DOCK7: variants seen among roughly 807,000 people sequenced by gnomAD.
The protein encoded by DOCK7 is dedicator of cytokinesis 7.
In DOCK7, 138 loss-of-function variants were observed where a neutral mutation model predicts 271.0. That is an observed-to-expected ratio of 0.51 (90% CI 0.44 to 0.59). The LOEUF (loss-of-function observed/expected upper bound fraction) is 0.59, where lower values mean the gene tolerates loss of function less well. Among genes scored for constraint, DOCK7 ranks in the 20% least tolerant of loss-of-function variants. DOCK7 has a pLI of 0.00. For missense variants in DOCK7, 2,066 were observed against 2,592.4 expected (o/e 0.80, Z 4.41); for synonymous variants, 823 against 876.1 (o/e 0.94, Z 1.07).
intron 1 of DOCK7, among the ~76,000 whole-genome samples, chr1:62,679,822 A>G (rs1255457819): frequency 6.6e-6 from 1 of 152,208 alleles, no homozygotes; most frequent in East Asian, 1.9e-4. Context: ...TAGGAATCCA[A>G]CTTACAAGGG....
In DOCK7 at chr1:62,513,886, G is replaced by A. The variant is rs547491518; in HGVS notation, c.3949C>T (p.His1317Tyr). The change falls in exon 32 of 50, where the codon CAC becomes TAC. Residue 1317 changes from histidine to tyrosine, a missense_variant. Around this residue, in one of 2 missense-constraint regions of DOCK7, gnomAD observed 1,414 missense variants for 1,670.4 expected, o/e 0.85. Transcript: ENST00000635253. ...CTTGATTCTGCTGAAAAGGTAGTGT[G>A]TTGCCTGCCACTCTGAAAATAAAGA... ...FLLTSTSGRQ[H>Y]TTFSAESSRS... The A allele has an allele frequency of 1.9e-6, 3 of 1,612,368 alleles. No individual in the cohort carries two copies. Among genetic ancestry groups the A allele is most frequent in the Admixed American group, 3.4e-5 (2 of 59,664 alleles).
At chr1:62,519,938 A>C (rs1039555347) in intron 31 of DOCK7, among the ~76,000 whole-genome samples, 6 of 152,220 alleles carry the variant, frequency 3.9e-5, no homozygotes, top group African/African-American at 1.4e-4. Flanking sequence ...GAGGCCTCAG[A>C]AATAACACCA....
chr1:62,664,008 TAAAAAG>T (rs965854059), intron 1 of DOCK7, among the ~76,000 whole-genome samples: 3 of 152,068 alleles, frequency 2.0e-5, no homozygotes, highest in Non-Finnish European at 4.4e-5. Flanking sequence ...TATTCAATGA[TAAAAAG>T]AAATGAGTTA....
intron 29 of DOCK7, chr1:62,530,956 C>T (rs1198644729): frequency 6.6e-6 from 1 of 152,278 alleles, no homozygotes; most frequent in Non-Finnish European, 1.5e-5. Flanking sequence ...TAATGTTTCC[C>T]TTTTACTGAC....
At chr1:62,659,411 C>T (rs1462500994) in intron 2 of DOCK7, among the ~76,000 whole-genome samples, 1 of 151,914 alleles carries the variant, frequency 6.6e-6, no homozygotes, top group Admixed American at 6.6e-5. Flanking sequence ...GAGATACTCT[C>T]CACAACACTA....
intron 1 of DOCK7, among the ~76,000 whole-genome samples, chr1:62,667,925 C>T (rs1659503389): frequency 6.6e-6 from 1 of 152,014 alleles, no homozygotes; most frequent in South Asian, 2.1e-4. Context: ...GAGACTGAGG[C>T]AGGGGAATTG....
At chr1:62,648,935 T>C (rs978099933) in intron 4 of DOCK7, among the ~76,000 whole-genome samples, 10 of 152,108 alleles carry the variant, frequency 6.6e-5, no homozygotes, top group Non-Finnish European at 1.2e-4. Context: ...GTTATATACA[T>C]ATAAAGCACT....
chr1:62,461,730 A>ATAAAATAAAC (rs1553148819), intron 48 of DOCK7, among the ~76,000 whole-genome samples: 2 of 151,306 alleles, frequency 1.3e-5, no homozygotes, highest in East Asian at 3.9e-4. Flanking sequence ...ATAAAATAAA[A>ATAAAATAAAC]GTCAACTGAT....
intron 14 of DOCK7, chr1:62,604,273 T>C (rs1650613783): frequency 2.5e-6 from 4 of 1,605,938 alleles, no homozygotes; most frequent in Middle Eastern, 1.7e-4. Context: ...TTTTCATATC[T>C]TCAAAGTATC....
At chr1:62,488,867 A>C (rs1166007859) in intron 42 of DOCK7, 67 bp downstream of exon 42, 1 of 1,597,738 alleles carries the variant, frequency 6.3e-7, no homozygotes, top group Non-Finnish European at 8.6e-7. Flanking sequence ...ACATCAGTGC[A>C]AAACAACATT....
intron 18 of DOCK7, among the ~76,000 whole-genome samples, chr1:62,574,983 G>A (rs1356842459): frequency 2.0e-5 from 3 of 151,774 alleles, no homozygotes; most frequent in South Asian, 2.1e-4. Flanking sequence ...TGCCCACCTC[G>A]GCCTCCCAAA....
At chr1:62,596,992 G>A (rs1282766481) in intron 14 of DOCK7, among the ~76,000 whole-genome samples, 1 of 152,260 alleles carries the variant, frequency 6.6e-6, no homozygotes, top group African/African-American at 2.4e-5. Flanking sequence ...GACAAAAAAT[G>A]AGGAGCATAT....
At chr1:62,633,609 C>T in intron 9 of DOCK7, 31 bp from the exon 10 acceptor site, 2 of 1,498,432 alleles carry the variant, frequency 1.3e-6, no homozygotes, top group Non-Finnish European at 1.9e-6. Flanking sequence ...TAAGATTAAG[C>T]TTTTAAAAGC....
chr1:62,598,642 T>C, intron 14 of DOCK7: 1 of 943,592 alleles, frequency 1.1e-6, no homozygotes, highest in Non-Finnish European at 1.7e-6. Context: ...TACAGGAAAT[T>C]AATAGAAAAG....
At chr1:62,627,434 C>G (rs1308232165) in intron 11 of DOCK7, 1 of 152,142 alleles carries the variant, frequency 6.6e-6, no homozygotes, top group African/African-American at 2.4e-5. Flanking sequence ...GAAAAGTGAA[C>G]TACTTTTTAT....
chr1:62,589,479 T>TC (rs1056351302), intron 14 of DOCK7, among the ~76,000 whole-genome samples: 3 of 152,066 alleles, frequency 2.0e-5, no homozygotes, highest in South Asian at 2.1e-4. Flanking sequence ...TATTTTTTTT[T>TC]CCCCCGACCT....
intron 19 of DOCK7, among the ~76,000 whole-genome samples, chr1:62,559,791 T>G (rs1364469636): frequency 2.6e-5 from 4 of 152,174 alleles, no homozygotes; most frequent in Non-Finnish European, 5.9e-5. Context: ...AAGTTTGGCC[T>G]TGGGCTAATC....
At chr1:62,665,192 T>C (rs1659150224) in intron 1 of DOCK7, among the ~76,000 whole-genome samples, 1 of 152,074 alleles carries the variant, frequency 6.6e-6, no homozygotes, top group South Asian at 2.1e-4. Context: ...CTTCGCCATG[T>C]TGACCAGGCT....
intron 43 of DOCK7, chr1:62,478,085 T>C (rs1646016574): frequency 2.9e-6 from 1 of 347,640 alleles, no homozygotes; most frequent in Non-Finnish European, 5.2e-6. Flanking sequence ...TTGTACGAAG[T>C]GCCTCTATCA....
Sources: gnomAD v4.1 joint callset for allele counts (sites outside exome capture counted in the v4.1 genomes callset) on GRCh38, gnomAD v4.1.1 for gene constraint, gnomAD v4.1.1 regional missense constraint, MANE v1.5 for transcripts, NCBI Gene and HGNC (gene_info 2026-07-23, HGNC 2026-07-21) for gene names.